The following ZNF804B variants were observed in gnomAD, a reference collection of about 807,000 sequenced individuals.
ZNF804B encodes zinc finger 804B.
In ZNF804B, 80 loss-of-function variants were observed where a neutral mutation model predicts 101.4. The observed-to-expected ratio is 0.79, with a 90% CI of 0.66 to 0.95. The LOEUF is 0.95. ZNF804B is among the 40% of genes least tolerant of loss of function. The pLI, the probability that ZNF804B is intolerant of heterozygous loss-of-function variation, is 0.00. For synonymous variants in ZNF804B, 622 were observed against 558.8 expected (o/e 1.11, Z -1.59); for missense variants, 1,673 against 1,561.9 (o/e 1.07, Z -1.20).
chr7:89,321,059 T>A (rs1790811438), intron 2 of ZNF804B, among the ~76,000 whole-genome samples: 2 of 152,126 alleles, frequency 1.3e-5, no homozygotes, highest in Admixed American at 1.3e-4. Context: ...TAAGAAATAG[T>A]TTACCATGTA....
At chr7:89,047,406 G>T (rs1296171706) in intron 1 of ZNF804B, among the ~76,000 whole-genome samples, 1 of 152,098 alleles carries the variant, frequency 6.6e-6, no homozygotes, top group Non-Finnish European at 1.5e-5. Context: ...CAAAAATAAT[G>T]ATTGGCATTT....
chr7:88,915,418 A>G (rs1249318502), intron 1 of ZNF804B, among the ~76,000 whole-genome samples: 1 of 152,052 alleles, frequency 6.6e-6, no homozygotes, highest in African/African-American at 2.4e-5. Context: ...ATTCTATTCC[A>G]ACTTAAACAG....
intron 2 of ZNF804B, among the ~76,000 whole-genome samples, chr7:89,318,715 T>C (rs906106972): frequency 6.6e-6 from 1 of 152,120 alleles, no homozygotes; most frequent in African/African-American, 2.4e-5. Context: ...TGACCTGAGA[T>C]GGTGCCACTG....
At chr7:89,128,113 A>G (rs1790499729) in intron 1 of ZNF804B, among the ~76,000 whole-genome samples, 1 of 151,840 alleles carries the variant, frequency 6.6e-6, no homozygotes, top group African/African-American at 2.4e-5. Flanking sequence ...AATTTTTAAT[A>G]AATTCCTTTT....
chr7:88,974,977 G>T (rs969071135), intron 1 of ZNF804B, among the ~76,000 whole-genome samples: 2 of 151,258 alleles, frequency 1.3e-5, no homozygotes, highest in African/African-American at 4.8e-5. Flanking sequence ...TCTACCTCCA[G>T]CAGTTCTATT....
chr7:89,017,452 A>G (rs1190230158), intron 1 of ZNF804B, among the ~76,000 whole-genome samples: 1 of 152,188 alleles, frequency 6.6e-6, no homozygotes, highest in Non-Finnish European at 1.5e-5. Flanking sequence ...TTGCCCATTC[A>G]GTATGATATT....
Position 89,333,565 on chromosome 7 carries a change from A to G in ZNF804B, c.583A>G (p.Arg195Gly). 6.2e-7 allele frequency: 1 copy of G among 1,613,528 alleles called. No homozygotes were observed. The highest frequency in any genetic ancestry group is 8.5e-7 in the Non-Finnish European group (1 of 1,179,662). Reference protein sequence around the residue: ...MPNRHQLQSDRRCLFGNQVLQ... With the variant: ...MPNRHQLQSDGRCLFGNQVLQ... The stretch of plus-strand genomic sequence containing the variant: ...AAATCGACACCAATTACAATCAGAC[A>G]GGCGTTGTTTGTTTGGAAATCAGGT... The change falls in exon 4 of 4, where the codon AGG (arginine) becomes GGG (glycine). Residue 195 changes from arginine (R) to glycine (G), a missense_variant. Physicochemically the swap from Arg to Gly is moderately radical, Grantham distance 125. Transcript: ENST00000333190.
At chr7:88,861,594 C>T (rs1287375457) in intron 1 of ZNF804B, among the ~76,000 whole-genome samples, 1 of 152,168 alleles carries the variant, frequency 6.6e-6, no homozygotes, top group Non-Finnish European at 1.5e-5. Context: ...ATATCTGTCA[C>T]ATTTTCTACT....
rs115399699 is a variant in ZNF804B at position 89,165,499 on chromosome 7, T to C, written c.109-52656T>C. Among the ~76,000 whole-genome samples, 645 of 152,164 alleles carry C rather than the reference T, an allele frequency of 4.2e-3. 3 individuals carry two copies. Among genetic ancestry groups the C allele is most frequent in the African/African-American group, 0.014 (601 of 41,556 alleles). On this transcript the variant is annotated intron_variant, in intron 1 of 3. Transcript: ENST00000333190. Reference sequence around the variant, plus strand: ...CAAATGAGAAAGCTTTTTTGGCACATTTGTCAAAAAATGTATATATGAATA... The same window carrying C: ...CAAATGAGAAAGCTTTTTTGGCACACTTGTCAAAAAATGTATATATGAATA...
intron 1 of ZNF804B, among the ~76,000 whole-genome samples, chr7:88,958,049 G>A (rs1391861150): frequency 6.6e-6 from 1 of 151,250 alleles, no homozygotes; most frequent in East Asian, 2.0e-4. Context: ...CAGTGAATCT[G>A]ACATCAGGTG....
chr7:88,847,204 A>G (rs1791385418), intron 1 of ZNF804B, among the ~76,000 whole-genome samples: 1 of 152,028 alleles, frequency 6.6e-6, no homozygotes, highest in Non-Finnish European at 1.5e-5. Flanking sequence ...AAAGCAAAGC[A>G]CAGAAAACTC....
rs71102025 is a variant in ZNF804B at position 89,220,179 on chromosome 7, G to GTA, written c.249+1896_249+1897dup. ...TATATATACGCACATATATATGTGTGTATATATATATATCCTTGGGAAATG... is the reference window on the plus strand; with the variant it reads ...TATATATACGCACATATATATGTGTGTATATATATATATATCCTTGGGAAATG... On this transcript the variant is annotated intron_variant, in intron 2 of 3. Coordinates refer to ENST00000333190, the MANE Select transcript of ZNF804B (RefSeq NM_181646.5). 4.2e-4 allele frequency among the ~76,000 whole-genome samples: 19 copies of GTA among 45,214 alleles called. 4 individuals carry two copies. The highest frequency in any genetic ancestry group is 9.6e-4 in the East Asian group (3 of 3,128). The allele number at this position is 45,214 out of a possible 152,430, so 29.7% of individuals were successfully genotyped here. A position where few individuals can be genotyped will look rare whatever the true frequency, so the allele number is the denominator to read the frequency against.
At chr7:89,101,851 A>AT (rs995644357) in intron 1 of ZNF804B, among the ~76,000 whole-genome samples, 1 of 151,800 alleles carries the variant, frequency 6.6e-6, no homozygotes, top group Admixed American at 6.6e-5. Flanking sequence ...TTTAATCCTC[A>AT]TCCCCCTTCC....
intron 1 of ZNF804B, among the ~76,000 whole-genome samples, chr7:88,772,660 T>C (rs1483326887): frequency 2.0e-5 from 3 of 152,192 alleles, no homozygotes; most frequent in Non-Finnish European, 4.4e-5. Flanking sequence ...GTCATGAATA[T>C]TAAGCTAGCC....
intron 1 of ZNF804B, among the ~76,000 whole-genome samples, chr7:89,103,740 G>A (rs1366526000): frequency 6.6e-6 from 1 of 151,878 alleles, no homozygotes; most frequent in African/African-American, 2.4e-5. Context: ...CTGCCTGATT[G>A]CTCTGGCTAG....
At position 88,993,943 on chromosome 7, in the gene ZNF804B, T is replaced by C. The variant is rs370244843; in HGVS notation, c.109-224212T>C. Among the ~76,000 whole-genome samples the C allele has an allele frequency of 1.6e-4, 25 of 152,112 alleles. No individual in the cohort carries two copies. In the East Asian group the frequency reaches 4.3e-3, roughly 26 times the overall value. On this transcript the variant is annotated intron_variant, in intron 1 of 3. Coordinates refer to ENST00000333190, the MANE Select transcript of ZNF804B (RefSeq NM_181646.5). ...GTGACTATAATATTAGATGTGTTTA[T>C]TCTAGACTTTCTAAGCAGGTTTTTC...
At chr7:89,231,584 GTC>G (rs779800748) in intron 2 of ZNF804B, among the ~76,000 whole-genome samples, 46 of 151,874 alleles carry the variant, frequency 3.0e-4, no homozygotes, top group Non-Finnish European at 5.5e-4. Context: ...ATACATATAT[GTC>G]TCTGTTTACT....
chr7:89,111,363 G>A (rs1790213369), intron 1 of ZNF804B, among the ~76,000 whole-genome samples: 1 of 152,170 alleles, frequency 6.6e-6, no homozygotes, highest in African/African-American at 2.4e-5. Context: ...ATGACTGAGA[G>A]TTCTTGTAGC....
Position 88,905,955 on chromosome 7 carries a change from A to G in ZNF804B, c.108+145871A>G, listed in dbSNP as rs375014943. On this transcript the variant is annotated intron_variant, in intron 1 of 3. Coordinates refer to ENST00000333190, the MANE Select transcript of ZNF804B (RefSeq NM_181646.5). ...TTTTAATTACTGATTCAATTTCAGA[A>G]TTCAGTATTGGTCTATTCAGGGTTT... 2.1e-3 allele frequency among the ~76,000 whole-genome samples: 312 copies of G among 149,070 alleles called. 5 individuals are homozygous for G. Among genetic ancestry groups the G allele is most frequent in the African/African-American group, 7.4e-3 (299 of 40,420 alleles).
Sources: gnomAD v4.1 joint callset for allele counts (sites outside exome capture counted in the v4.1 genomes callset) on GRCh38, gnomAD v4.1.1 for gene constraint, MANE v1.5 for transcripts, NCBI Gene and HGNC (gene_info 2026-07-23, HGNC 2026-07-21) for gene names.